The following LRRC58 variants were observed in gnomAD, a reference collection of about 807,000 sequenced individuals.
LRRC58 encodes the protein leucine-rich repeat-containing protein 58.
In LRRC58, 18 loss-of-function variants were observed where a neutral mutation model predicts 30.6. The ratio of observed to expected loss-of-function variants is 0.59; its 90% CI spans 0.41 to 0.87. The LOEUF (loss-of-function observed/expected upper bound fraction) is 0.87, where lower values mean the gene tolerates loss of function less well. LRRC58 is among the 40% of genes least tolerant of loss of function. The pLI, the probability that LRRC58 is intolerant of heterozygous loss-of-function variation, is 0.00. For missense variants in LRRC58, 420 were observed against 468.4 expected (o/e 0.90, Z 0.95); for synonymous variants, 221 against 206.0 (o/e 1.07, Z -0.62).
intron 1 of LRRC58, among the ~76,000 whole-genome samples, chr3:120,345,583 T>A (rs1329647897): frequency 6.6e-6 from 1 of 152,236 alleles, no homozygotes; most frequent in Non-Finnish European, 1.5e-5. Flanking sequence ...CTTGTCACTA[T>A]CTCGCCTCAA....
chr3:120,325,117 A>T lies in LRRC58; in HGVS notation c.*6083T>A, dbSNP rs576712562. Reference sequence around the variant, plus strand: ...CAGAAATGCAAAAAACCTCAACTGCAGGCACACGTCTTTACATGATTGTTG... The same window carrying T: ...CAGAAATGCAAAAAACCTCAACTGCTGGCACACGTCTTTACATGATTGTTG... On this transcript the variant is annotated 3_prime_UTR_variant, in exon 4 of 4. Coordinates refer to ENST00000295628, the MANE Select transcript of LRRC58 (RefSeq NM_001099678.2). The T allele has an allele frequency of 6.6e-6, 1 of 152,342 alleles. No individual in the cohort carries two copies. The highest frequency in any genetic ancestry group is 2.1e-4 in the South Asian group (1 of 4,834). 9.4% of individuals were successfully genotyped at this position (152,342 alleles called of 1,614,324 possible). A position where few individuals can be genotyped will look rare whatever the true frequency, so the allele number is the denominator to read the frequency against.
Position 120,331,167 on chromosome 3 carries a change from T to C in LRRC58, c.*33A>G, listed in dbSNP as rs376883169. Reference sequence around the variant, plus strand: ...TCTTGTCTAACCATTTTGCTCAGTTTTTTAAGTATTTCACAACACTGTGCA... The same window carrying C: ...TCTTGTCTAACCATTTTGCTCAGTTCTTTAAGTATTTCACAACACTGTGCA... On this transcript the variant is annotated 3_prime_UTR_variant, in exon 4 of 4. Transcript: ENST00000295628. 7.1e-4 allele frequency: 1,132 copies of C among 1,594,978 alleles called. No individual in the cohort carries two copies. Among genetic ancestry groups the C allele is most frequent in the Non-Finnish European group, 9.1e-4 (1,056 of 1,163,142 alleles).
intron 1 of LRRC58, among the ~76,000 whole-genome samples, chr3:120,346,188 C>T (rs951734460): frequency 2.6e-5 from 4 of 152,076 alleles, no homozygotes; most frequent in Non-Finnish European, 5.9e-5. Context: ...ACCCAGGAGG[C>T]GGAGATTGCA....
At position 120,349,092 on chromosome 3, in the gene LRRC58, A is replaced by AGCAGCAGCC. The variant is rs1936018714; in HGVS notation, c.143_151dup (p.Arg48_Leu50dup). 3 of 1,513,484 alleles carry AGCAGCAGCC rather than the reference A, an allele frequency of 2.0e-6. No individual in the cohort carries two copies. Among genetic ancestry groups the AGCAGCAGCC allele is most frequent in the Non-Finnish European group, 2.6e-6 (3 of 1,139,476 alleles). 93.8% of individuals were successfully genotyped at this position (1,513,484 alleles called of 1,614,324 possible). On this transcript the variant is annotated inframe_insertion, in exon 1 of 4. Coordinates refer to ENST00000295628, the MANE Select transcript of LRRC58 (RefSeq NM_001099678.2). ...CAGCGACACCAGACGGTTGTGAGGC[A>AGCAGCAGCC]GCAGCAGCCGCAGCAGCGCCTCCCG...
rs1402720706 is a variant in LRRC58, at chr3:120,328,600, A to G, written c.*2600T>C. ...AACAAATATATGACTTAAGAACTAAAGAGACAGACTTATTTTAAATGCATA... is the reference window on the plus strand; with the variant it reads ...AACAAATATATGACTTAAGAACTAAGGAGACAGACTTATTTTAAATGCATA... On this transcript the variant is annotated 3_prime_UTR_variant, in exon 4 of 4. Transcript: ENST00000295628. The G allele has an allele frequency of 6.6e-6, 1 of 152,242 alleles. No individual in the cohort carries two copies. Among genetic ancestry groups the G allele is most frequent in the Non-Finnish European group, 1.5e-5 (1 of 68,042 alleles). 9.4% of individuals were successfully genotyped at this position (152,242 alleles called of 1,614,324 possible).
In LRRC58 at chr3:120,327,422, T is replaced by C. The variant is rs1935695625; in HGVS notation, c.*3778A>G. The C allele has an allele frequency of 6.6e-6, 1 of 150,598 alleles. No individual in the cohort carries two copies. Among genetic ancestry groups the C allele is most frequent in the Admixed American group, 6.6e-5 (1 of 15,156 alleles). 9.3% of individuals were successfully genotyped at this position (150,598 alleles called of 1,614,324 possible). On this transcript the variant is annotated 3_prime_UTR_variant, in exon 4 of 4. Coordinates refer to ENST00000295628, the MANE Select transcript of LRRC58 (RefSeq NM_001099678.2). ...GCCCGCCATCACGCCCGGCTAATTT[T>C]TTTTTGTATTTTTAGTAGAGACGGG...
At chr3:120,334,268 G>A (rs1935802005) in intron 3 of LRRC58, among the ~76,000 whole-genome samples, 1 of 152,162 alleles carries the variant, frequency 6.6e-6, no homozygotes, top group Non-Finnish European at 1.5e-5. Flanking sequence ...ACTTTGGGAG[G>A]CCGAGGTGGG....
Position 120,329,626 on chromosome 3 carries a change from T to C in LRRC58, c.*1574A>G, listed in dbSNP as rs747334370. 3 of 151,738 alleles carry C rather than the reference T, an allele frequency of 2.0e-5. No individual in the cohort carries two copies. The highest frequency in any genetic ancestry group is 2.9e-5 in the Non-Finnish European group (2 of 67,890). 9.4% of individuals were successfully genotyped at this position (151,738 alleles called of 1,614,324 possible). On this transcript the variant is annotated 3_prime_UTR_variant, in exon 4 of 4. Coordinates refer to ENST00000295628, the MANE Select transcript of LRRC58 (RefSeq NM_001099678.2). ...CTAGTTTCTTCTAAAATAAAAAATA[T>C]ATATGAAAAAAACCCTAATACATGT...
rs908612213 is a variant in LRRC58 at position 120,331,389 on chromosome 3, A to G, written c.927T>C (p.Cys309=). The G allele has an allele frequency of 6.2e-7, 1 of 1,613,468 alleles. No individual in the cohort carries two copies. Among genetic ancestry groups the G allele is most frequent in the East Asian group, 2.2e-5 (1 of 44,880 alleles). ...PKCGGVYFDC[C]VRQIKFVDFC... ...AGTCCACAAATTTAATTTGTCTGAC[A>G]CAGCAGTCAAAGTAGACTCCTAAAG... Residue 309 remains cysteine, a synonymous_variant, in exon 4 of 4, where the codon TGT becomes TGC. Coordinates refer to ENST00000295628, the MANE Select transcript of LRRC58 (RefSeq NM_001099678.2).
At position 120,348,752 on chromosome 3, in the gene LRRC58, G is replaced by A; in HGVS notation, c.492C>T (p.Asn164=). The change falls in exon 1 of 4, where the codon AAC becomes AAT. Residue 164 remains asparagine (N), a synonymous_variant. Transcript: ENST00000295628. ...QLQSIPAEIE[N]LQSLECLYLG... ...GGCACACACCCGCTCACCTCTGCAAGTTCTCGATCTCAGCCGGGATGCTCT... is the reference window on the plus strand; with the variant it reads ...GGCACACACCCGCTCACCTCTGCAAATTCTCGATCTCAGCCGGGATGCTCT... 6.3e-7 allele frequency: 1 copy of A among 1,584,088 alleles called. No individual in the cohort carries two copies. The highest frequency in any genetic ancestry group is 2.3e-5 in the East Asian group (1 of 42,778).
chr3:120,344,669 G>A (rs1427217295), intron 1 of LRRC58, among the ~76,000 whole-genome samples: 1 of 152,178 alleles, frequency 6.6e-6, no homozygotes, highest in Non-Finnish European at 1.5e-5. Flanking sequence ...TTGTAGAAGA[G>A]TACCAATGAA....
intron 1 of LRRC58, among the ~76,000 whole-genome samples, chr3:120,338,745 C>G (rs1265125325): frequency 6.6e-6 from 1 of 152,212 alleles, no homozygotes; most frequent in African/African-American, 2.4e-5. Context: ...GAGAGGTAGC[C>G]TGGAAAGGCC....
chr3:120,343,281 A>T (rs947879856), intron 1 of LRRC58, among the ~76,000 whole-genome samples: 1 of 152,212 alleles, frequency 6.6e-6, no homozygotes, highest in Admixed American at 6.5e-5. Flanking sequence ...CCAAATTTCT[A>T]GGGACTTGAC....
At position 120,334,959 on chromosome 3, in the gene LRRC58, A is replaced by T. The variant is rs1284271780; in HGVS notation, c.810T>A (p.Ile270=). The T allele has an allele frequency of 6.2e-7, 1 of 1,613,720 alleles. No individual in the cohort carries two copies. The highest frequency in any genetic ancestry group is 8.5e-7 in the Non-Finnish European group (1 of 1,179,828). The stretch of plus-strand genomic sequence containing the variant: ...GAGTGTAGGAAATATTTCGAATCTT[A>T]ATGGTCCGTGCAGCTAATTCCAGGA... ...PTLLELAART[I]KIRNISYTPY... Residue 270 remains isoleucine, a synonymous_variant, in exon 3 of 4, where the codon ATT becomes ATA. Transcript: ENST00000295628.
Position 120,331,262 on chromosome 3 carries a change from A to T in LRRC58, c.1054T>A (p.Ser352Thr). 1 of 1,613,980 alleles carries T rather than the reference A, an allele frequency of 6.2e-7. No individual in the cohort carries two copies. The highest frequency in any genetic ancestry group is 8.5e-7 in the Non-Finnish European group (1 of 1,179,866). The change falls in exon 4 of 4, where the codon TCT (serine) becomes ACT (threonine). Residue 352 changes from serine to threonine, a missense_variant. Ser to Thr is a moderately conservative substitution (Grantham distance 58). Transcript: ENST00000295628. ...ACACTAGCTTCATCTTCTGAGTCAG[A>T]TTCACTCTGGGAAGTGGAGCTGTGA... ...ASHSSTSQSE[S>T]DSEDEASVAA...
At chr3:120,348,619 C>T (rs1936007365) in intron 1 of LRRC58, 125 bp downstream of exon 1, 14 of 1,145,702 alleles carry the variant, frequency 1.2e-5, no homozygotes, top group Non-Finnish European at 1.7e-5. Flanking sequence ...GAACTCACTA[C>T]CGCACAGTTA....
chr3:120,336,078 G>A (rs1935831295), intron 1 of LRRC58, 125 bp from the exon 2 acceptor site: 1 of 669,754 alleles, frequency 1.5e-6, no homozygotes. Context: ...GATTTGCTAT[G>A]TGCTATCCAG....
rs921926591 is a variant in LRRC58 at position 120,349,337 on chromosome 3, G to A, written c.-94C>T. On this transcript the variant is annotated 5_prime_UTR_variant, in exon 1 of 4. Coordinates refer to ENST00000295628, the MANE Select transcript of LRRC58 (RefSeq NM_001099678.2). ...TCTGCGGCGCCCCGGAACCTGAACCGAGGGCTGAGTCGGAAGTGGCGCGGG... is the reference window on the plus strand; with the variant it reads ...TCTGCGGCGCCCCGGAACCTGAACCAAGGGCTGAGTCGGAAGTGGCGCGGG... 21 of 1,253,962 alleles carry A rather than the reference G, an allele frequency of 1.7e-5. No homozygotes were observed. Among genetic ancestry groups the A allele is most frequent in the Non-Finnish European group, 2.0e-5 (20 of 981,102 alleles). The allele number at this position is 1,253,962 out of a possible 1,614,324, so 77.7% of individuals were successfully genotyped here.
intron 1 of LRRC58, among the ~76,000 whole-genome samples, chr3:120,343,437 T>C (rs371204104): frequency 5.3e-5 from 8 of 152,328 alleles, no homozygotes; most frequent in Middle Eastern, 3.4e-3. Flanking sequence ...ACATTGCAAC[T>C]CTGTTAATTA....
Sources: gnomAD v4.1 joint callset for allele counts (sites outside exome capture counted in the v4.1 genomes callset) on GRCh38, gnomAD v4.1.1 for gene constraint, MANE v1.5 for transcripts, NCBI Gene and HGNC (gene_info 2026-07-23, HGNC 2026-07-21) for gene names.